The following KEAP1 variants were observed in gnomAD, a reference collection of about 807,000 sequenced individuals.
KEAP1 encodes kelch-like ECH-associated protein 1.
Under a neutral mutation model 59.7 loss-of-function variants are expected in KEAP1, and 26 were observed. That is an observed-to-expected ratio of 0.44 (90% CI 0.32 to 0.60). KEAP1 has a LOEUF of 0.60. Ranked by LOEUF, KEAP1 falls within the 20% of genes least tolerant of loss-of-function variation. The pLI, the probability that KEAP1 is intolerant of heterozygous loss-of-function variation, is 0.06. For synonymous variants in KEAP1, 350 were observed against 358.3 expected, an observed-to-expected ratio of 0.98 and a Z score of 0.26; for missense variants, 539 against 871.4, an observed-to-expected ratio of 0.62 and a Z score of 4.80.
Position 10,491,938 on chromosome 19 carries a change from G to A in KEAP1, c.964C>T (p.Pro322Ser). The A allele has an allele frequency of 6.4e-7, 1 of 1,573,000 alleles. No individual in the cohort carries two copies. Among genetic ancestry groups the A allele is most frequent in the Non-Finnish European group, 8.6e-7 (1 of 1,158,000 alleles). Residue 322 changes from proline (P) to serine (S), a missense_variant, in exon 3 of 6, where the codon CCC becomes TCC. By Grantham distance (74) the Pro-to-Ser change is moderately conservative. Around this residue, in one of 4 missense-constraint regions of KEAP1, gnomAD observed 61 missense variants for 129.9 expected, o/e 0.47. Transcript: ENST00000171111. This position sits in a 1 kb window ranked among gnomAD's most constrained non-coding sequence, Gnocchi z 5.2. ...KPTQVMPCRA[P>S]KVGRLIYTAG... The stretch of plus-strand genomic sequence containing the variant: ...GTGTAGATCAGGCGGCCCACCTTGG[G>A]CGCCCGGCAGGGCATCACCTGCGTG...
rs534308325 is a variant in KEAP1 at position 10,499,707 on chromosome 19, G to A, written c.327C>T (p.Ala109=). The A allele has an allele frequency of 6.2e-7, 1 of 1,614,182 alleles. No individual in the cohort carries two copies. Among genetic ancestry groups the A allele is most frequent in the Admixed American group, 1.7e-5 (1 of 60,006 alleles). ...VLASSSPVFK[A]MFTNGLREQG... Reference sequence around the variant, plus strand: ...GCTCCCGCAGCCCGTTGGTGAACATGGCCTTGAAGACAGGGCTGGATGAGG... The same window carrying A: ...GCTCCCGCAGCCCGTTGGTGAACATAGCCTTGAAGACAGGGCTGGATGAGG... Residue 109 remains alanine, a synonymous_variant, in exon 2 of 6, where the codon GCC becomes GCT. Transcript: ENST00000171111. The surrounding 1 kb of genome is among the most constrained non-coding windows in gnomAD (Gnocchi z 6.7).
Position 10,501,593 on chromosome 19 carries a change from G to T in KEAP1, c.-47-1513C>A, listed in dbSNP as rs11878788. Among the ~76,000 whole-genome samples, 956 of 152,216 alleles carry T rather than the reference G, an allele frequency of 6.3e-3. 7 individuals carry two copies. The highest frequency in any genetic ancestry group is 5.2e-3 in the Non-Finnish European group (354 of 68,010). ...TGCAGTGAGCCGAGATCGCACCACT[G>T]CATTCCAGCCTGGGTGACAGAACAA... is the stretch of plus-strand genomic sequence containing the variant. On this transcript the variant is annotated intron_variant, in intron 1 of 5. Transcript: ENST00000171111.
chr19:10,494,639 T>C (rs1849648631), intron 2 of KEAP1, among the ~76,000 whole-genome samples: 2 of 136,298 alleles, frequency 1.5e-5, no homozygotes. Context: ...GCCTGGCCTC[T>C]GAGTTTTCTG....
intron 5 of KEAP1, 70 bp from the exon 6 acceptor site, chr19:10,486,888 G>C (rs2144579554): frequency 6.6e-7 from 1 of 1,517,574 alleles, no homozygotes; most frequent in African/African-American, 1.4e-5. Context: ...CAGAAAGAGA[G>C]AGATGCAGCT....
intron 2 of KEAP1, among the ~76,000 whole-genome samples, chr19:10,496,311 C>T (rs921649290): frequency 6.6e-6 from 1 of 151,756 alleles, no homozygotes; most frequent in Non-Finnish European, 1.5e-5. Context: ...GCCTGACCAA[C>T]ATGGTGAAAC....
chr19:10,488,685 C>A (rs1463092465), intron 5 of KEAP1, among the ~76,000 whole-genome samples: 1 of 152,046 alleles, frequency 6.6e-6, no homozygotes, highest in Non-Finnish European at 1.5e-5. Context: ...CTAATCCTAG[C>A]ACTTTGGGAG....
Position 10,489,774 on chromosome 19 carries a change from T to G in KEAP1, c.1405A>C (p.Asn469His), listed in dbSNP as rs2144590574. ...CCCCCCACGGCATAAAGGAGACGAT[T>G]GAGGACAGCCACGCCCACCCCGATC... ...RRIGVGVAVL[N>H]RLLYAVGGFD... Residue 469 changes from asparagine (N) to histidine (H), a missense_variant, in exon 4 of 6, where the codon AAT becomes CAT. Asn to His is a moderately conservative substitution (Grantham distance 68, BLOSUM62 1). Coordinates refer to ENST00000171111, the MANE Select transcript of KEAP1 (RefSeq NM_203500.2). 6.2e-7 allele frequency: 1 copy of G among 1,614,008 alleles called. No individual in the cohort carries two copies. Among genetic ancestry groups the G allele is most frequent in the Non-Finnish European group, 8.5e-7 (1 of 1,180,012 alleles).
At chr19:10,489,064 C>T in intron 5 of KEAP1, 128 bp downstream of exon 5, 1 of 807,732 alleles carries the variant, frequency 1.2e-6, no homozygotes, top group Non-Finnish European at 1.8e-6. Flanking sequence ...CACTGCACTC[C>T]AGCTGGGCAA....
Position 10,499,974 on chromosome 19 carries a change from C to T in KEAP1, c.60G>A (p.Gln20=), listed in dbSNP as rs528129279. 6.9e-6 allele frequency: 11 copies of T among 1,591,066 alleles called. No individual in the cohort carries two copies. In the South Asian group the frequency reaches 1.1e-4, roughly 16 times the overall value. ...AGACCRFLPL[Q]SQCPEGAGDA... is the part of the protein sequence containing the mutation. ...CCCCTGCCCCCTCAGGGCACTGTGA[C>T]TGCAGGGGCAGGAATCGGCAGCAGG... The change falls in exon 2 of 6, where the codon CAG becomes CAA. Residue 20 remains glutamine (Q), a synonymous_variant. Coordinates refer to ENST00000171111, the MANE Select transcript of KEAP1 (RefSeq NM_203500.2). The surrounding 1 kb of genome is among the most constrained non-coding windows in gnomAD (Gnocchi z 6.7).
intron 2 of KEAP1, among the ~76,000 whole-genome samples, chr19:10,494,455 C>T (rs558104340): frequency 4.7e-5 from 7 of 150,170 alleles, no homozygotes; most frequent in East Asian, 2.0e-4. Context: ...CTCAGCCTCC[C>T]GAGTAGCTGG....
At chr19:10,494,035 G>A (rs1599486316) in intron 2 of KEAP1, among the ~76,000 whole-genome samples, 1 of 151,938 alleles carries the variant, frequency 6.6e-6, no homozygotes, top group East Asian at 1.9e-4. Context: ...TTGAACTCCT[G>A]GGCTCAAACG....
In KEAP1 at chr19:10,486,435, C is replaced by A. The variant is rs1178521937; in HGVS notation, c.*217G>T. ...GCTCTTTCCACACCCCCTTTCCCAGCCAGGCTGTCTTGGACACTCCCGGGG... is the reference window on the plus strand; with the variant it reads ...GCTCTTTCCACACCCCCTTTCCCAGACAGGCTGTCTTGGACACTCCCGGGG... On this transcript the variant is annotated 3_prime_UTR_variant, in exon 6 of 6. Coordinates refer to ENST00000171111, the MANE Select transcript of KEAP1 (RefSeq NM_203500.2). 9.2e-6 allele frequency: 5 copies of A among 541,114 alleles called. No homozygotes were observed. The highest frequency in any genetic ancestry group is 4.5e-5 in the South Asian group (2 of 44,712). 33.5% of individuals were successfully genotyped at this position (541,114 alleles called of 1,614,324 possible).
intron 5 of KEAP1, among the ~76,000 whole-genome samples, chr19:10,488,065 T>C (rs1001680901): frequency 6.6e-6 from 1 of 151,840 alleles, no homozygotes; most frequent in Admixed American, 6.6e-5. Context: ...CAGGTGGAGG[T>C]TGCAGTGAGC....
intron 2 of KEAP1, among the ~76,000 whole-genome samples, chr19:10,493,600 T>C (rs1277059158): frequency 3.5e-5 from 5 of 144,638 alleles, no homozygotes; most frequent in Non-Finnish European, 7.6e-5. Flanking sequence ...CTCGCTCTTT[T>C]GCCCAGGCCG....
chr19:10,486,496 T>C lies in KEAP1; in HGVS notation c.*156A>G. ...GGGCACATGATTCCCGCTTTGGACTTCTTTTGAGATGTCATTTTAACACTG... is the reference window on the plus strand; with the variant it reads ...GGGCACATGATTCCCGCTTTGGACTCCTTTTGAGATGTCATTTTAACACTG... On this transcript the variant is annotated 3_prime_UTR_variant, in exon 6 of 6. Coordinates refer to ENST00000171111, the MANE Select transcript of KEAP1 (RefSeq NM_203500.2). 1.3e-6 allele frequency: 1 copy of C among 766,192 alleles called. No individual in the cohort carries two copies. Among genetic ancestry groups the C allele is most frequent in the South Asian group, 1.7e-5 (1 of 59,618 alleles). The allele number at this position is 766,192 out of a possible 1,614,324, so 47.5% of individuals were successfully genotyped here. A position where few individuals can be genotyped will look rare whatever the true frequency, so the allele number is the denominator to read the frequency against.
At position 10,500,026 on chromosome 19, in the gene KEAP1, G is replaced by A. The variant is rs1914987906; in HGVS notation, c.8C>T (p.Pro3Leu). 1 of 1,543,286 alleles carries A rather than the reference G, an allele frequency of 6.5e-7. No homozygotes were observed. The highest frequency in any genetic ancestry group is 8.7e-7 in the Non-Finnish European group (1 of 1,143,976). ...CCCAGCCCCGCTAGGCCTGGGATCT[G>A]GCTGCATGGGGTTCCAGAAGATAAG... is the stretch of plus-strand genomic sequence containing the variant. MQ[P>L]DPRPSGAGAC... The change falls in exon 2 of 6, where the codon CCA (proline) becomes CTA (leucine). Residue 3 changes from proline to leucine, a missense_variant. Pro to Leu is a moderately conservative substitution (Grantham distance 98). This residue lies in a region of KEAP1 where 166 missense variants were observed against 295.8 expected (regional missense o/e 0.56). Transcript: ENST00000171111.
At chr19:10,500,743 G>C (rs980724733) in intron 1 of KEAP1, among the ~76,000 whole-genome samples, 1 of 146,184 alleles carries the variant, frequency 6.8e-6, no homozygotes, top group Non-Finnish European at 1.5e-5. Context: ...GCAATGGCTC[G>C]ATCTTGGCTC....
Position 10,500,027 on chromosome 19 carries a change from G to T in KEAP1, c.7C>A (p.Pro3Thr). 1 of 1,543,370 alleles carries T rather than the reference G, an allele frequency of 6.5e-7. No homozygotes were observed. Among genetic ancestry groups the T allele is most frequent in the South Asian group, 1.2e-5 (1 of 80,482 alleles). Residue 3 changes from proline (P) to threonine (T), a missense_variant, in exon 2 of 6, where the codon CCA becomes ACA. Coordinates refer to ENST00000171111, the MANE Select transcript of KEAP1 (RefSeq NM_203500.2). ...CCAGCCCCGCTAGGCCTGGGATCTG[G>T]CTGCATGGGGTTCCAGAAGATAAGC... The part of the protein sequence containing the change: MQ[P>T]DPRPSGAGAC...
At chr19:10,497,683 G>C (rs553375660) in intron 2 of KEAP1, among the ~76,000 whole-genome samples, 3 of 152,262 alleles carry the variant, frequency 2.0e-5, no homozygotes, top group African/African-American at 7.2e-5. Context: ...CAGGAGGTTC[G>C]AGACCAGTCT....
Sources: allele counts gnomAD v4.1 joint callset (sites outside exome capture counted in the v4.1 genomes callset), GRCh38; gene constraint gnomAD v4.1.1; regional missense constraint gnomAD v4.1.1; non-coding constraint Gnocchi (gnomAD v3.1); transcripts MANE v1.5; gene names NCBI Gene and HGNC (gene_info 2026-07-23, HGNC 2026-07-21).